FBXW7: variants seen among roughly 807,000 people sequenced by gnomAD.
FBXW7 encodes the protein F-box and WD repeat domain containing 7, also known as F-box/WD repeat-containing protein 7.
A neutral mutation model predicts 86.3 loss-of-function variants in FBXW7; 11 were observed. The ratio of observed to expected loss-of-function variants is 0.13; its 90% CI spans 0.08 to 0.21. The LOEUF (loss-of-function observed/expected upper bound fraction) is 0.21. FBXW7 is among the 10% of genes least tolerant of loss of function. The pLI is 1.00. For missense variants in FBXW7, 488 were observed against 847.4 expected (o/e 0.58, Z 5.27); for synonymous variants, 313 against 297.9 (o/e 1.05, Z -0.52).
intron 2 of FBXW7, among the ~76,000 whole-genome samples, chr4:152,430,590 T>A (rs556084733): frequency 7.5e-4 from 114 of 152,252 alleles, no homozygotes; most frequent in Middle Eastern, 3.4e-3. Flanking sequence ...GTTATAATGT[T>A]ACTTGGTGTT....
intron 4 of FBXW7, among the ~76,000 whole-genome samples, chr4:152,355,126 G>A (rs36099171): frequency 1.2e-4 from 19 of 152,048 alleles, no homozygotes; most frequent in African/African-American, 4.1e-4. Flanking sequence ...ATTCTCTGAC[G>A]TACTATCAAT....
intron 2 of FBXW7, among the ~76,000 whole-genome samples, chr4:152,513,756 A>C (rs958637991): frequency 6.6e-6 from 1 of 152,248 alleles, no homozygotes; most frequent in African/African-American, 2.4e-5. Context: ...AAAACTTTAC[A>C]TCTCAACCAT....
At chr4:152,505,984 G>A (rs555870857) in intron 2 of FBXW7, among the ~76,000 whole-genome samples, 76 of 151,940 alleles carry the variant, frequency 5.0e-4, no homozygotes, top group African/African-American at 1.7e-3. Context: ...CAAGCAATTC[G>A]TCCGCCTCGG....
At chr4:152,474,022 C>G (rs927073852) in intron 2 of FBXW7, among the ~76,000 whole-genome samples, 18 of 152,256 alleles carry the variant, frequency 1.2e-4, no homozygotes, top group African/African-American at 4.3e-4. Context: ...ACTAGACAGA[C>G]TAGGAATATA....
rs1054393384 is a variant in FBXW7, at chr4:152,535,310, G to A, written c.-396C>T. 64 of 316,420 alleles carry A rather than the reference G, an allele frequency of 2.0e-4. No individual in the cohort carries two copies. The highest frequency in any genetic ancestry group is 1.2e-3 in the African/African-American group (57 of 46,498). The allele number at this position is 316,420 out of a possible 1,614,324, so 19.6% of individuals were successfully genotyped here. On this transcript the variant is annotated 5_prime_UTR_variant, in exon 1 of 14. Coordinates refer to ENST00000281708, the MANE Select transcript of FBXW7 (RefSeq NM_001349798.2). ...CCGCCGCCCTCGGGACTGGGGCGGG[G>A]GAGGGGGGCTCTAGGAACTCCTCCC...
intron 4 of FBXW7, among the ~76,000 whole-genome samples, chr4:152,372,237 G>A (rs1734068744): frequency 6.6e-6 from 1 of 151,902 alleles, no homozygotes; most frequent in Non-Finnish European, 1.5e-5. Context: ...TATTTAATAT[G>A]CATGTACTCA....
chr4:152,499,064 TGAA>T (rs1746655993), intron 2 of FBXW7, among the ~76,000 whole-genome samples: 3 of 152,112 alleles, frequency 2.0e-5, no homozygotes, highest in Non-Finnish European at 4.4e-5. Flanking sequence ...ATCAGAGAAC[TGAA>T]GAATCCACTT....
intron 2 of FBXW7, among the ~76,000 whole-genome samples, chr4:152,441,631 C>T (rs530176186): frequency 9.6e-4 from 146 of 152,236 alleles, no homozygotes; most frequent in African/African-American, 3.3e-3. Context: ...TCACAAAATA[C>T]GCAAAGAGCC....
At chr4:152,356,391 A>T (rs2126678634) in intron 4 of FBXW7, among the ~76,000 whole-genome samples, 1 of 141,166 alleles carries the variant, frequency 7.1e-6, no homozygotes, top group Admixed American at 7.3e-5. Flanking sequence ...TTAGTGGAAA[A>T]TACTATGAAT....
rs753468896 is a variant in FBXW7 at position 152,497,343 on chromosome 4, CCACA to C, written c.-120+37594_-120+37597del. Among the ~76,000 whole-genome samples, 212 of 86,934 alleles carry C rather than the reference CCACA, an allele frequency of 2.4e-3. 2 individuals are homozygous for C. The highest frequency in any genetic ancestry group is 5.5e-3 in the South Asian group (14 of 2,554). 57.0% of individuals were successfully genotyped at this position (86,934 alleles called of 152,430 possible). On this transcript the variant is annotated intron_variant, in intron 2 of 13. Coordinates refer to ENST00000281708, the MANE Select transcript of FBXW7 (RefSeq NM_001349798.2). ...TCTCAAAAAAAAAAAAAAAAAAAAA[CCACA>C]CACACACACACACACACACACACAC...
chr4:152,437,789 G>C (rs2126971168), intron 2 of FBXW7, among the ~76,000 whole-genome samples: 2 of 152,284 alleles, frequency 1.3e-5, no homozygotes, highest in South Asian at 4.2e-4. Flanking sequence ...CACTCTATCA[G>C]TCAGCAGCCA....
At chr4:152,376,912 T>C (rs1734583680) in intron 4 of FBXW7, among the ~76,000 whole-genome samples, 1 of 151,370 alleles carries the variant, frequency 6.6e-6, no homozygotes, top group South Asian at 2.1e-4. Context: ...TGTTACATAA[T>C]CTGTGAGATA....
At chr4:152,348,471 A>C (rs1731484976) in intron 5 of FBXW7, among the ~76,000 whole-genome samples, 1 of 152,090 alleles carries the variant, frequency 6.6e-6, no homozygotes, top group Non-Finnish European at 1.5e-5. Context: ...AAAAACATGG[A>C]AATAAATATG....
At chr4:152,351,219 A>T (rs896444047) in intron 4 of FBXW7, among the ~76,000 whole-genome samples, 2 of 152,134 alleles carry the variant, frequency 1.3e-5, no homozygotes, top group Admixed American at 6.6e-5. Context: ...ATAACATAGC[A>T]TGATACAATA....
chr4:152,365,374 A>C (rs529678329), intron 4 of FBXW7, among the ~76,000 whole-genome samples: 48 of 152,324 alleles, frequency 3.2e-4, no homozygotes, highest in African/African-American at 1.1e-3. Flanking sequence ...TTCAAAGTGT[A>C]ATGCTGAAAA....
At chr4:152,357,503 T>A (rs903703019) in intron 4 of FBXW7, among the ~76,000 whole-genome samples, 1 of 151,930 alleles carries the variant, frequency 6.6e-6, no homozygotes, top group Non-Finnish European at 1.5e-5. Context: ...CTATTTTTAG[T>A]AGAGATGGGG....
intron 2 of FBXW7, among the ~76,000 whole-genome samples, 174 bp downstream of exon 2, chr4:152,534,767 T>C (rs1234065628): frequency 6.6e-6 from 1 of 152,080 alleles, no homozygotes; most frequent in East Asian, 1.9e-4. Flanking sequence ...TACAAAGAGC[T>C]AAAAAGTTAC....
At chr4:152,466,448 G>C (rs535259250) in intron 2 of FBXW7, among the ~76,000 whole-genome samples, 1 of 151,750 alleles carries the variant, frequency 6.6e-6, no homozygotes, top group Non-Finnish European at 1.5e-5. Flanking sequence ...GCAGCTACTC[G>C]GGAGGCTCAG....
chr4:152,413,354 T>C (rs34741345), intron 2 of FBXW7, among the ~76,000 whole-genome samples: 16 of 152,238 alleles, frequency 1.1e-4, no homozygotes, highest in Non-Finnish European at 1.0e-4. Context: ...CAAACAACAT[T>C]AAGTTGCATG....
Sources: allele counts gnomAD v4.1 joint callset (sites outside exome capture counted in the v4.1 genomes callset), GRCh38; gene constraint gnomAD v4.1.1; transcripts MANE v1.5; gene names NCBI Gene and HGNC (gene_info 2026-07-23, HGNC 2026-07-21).